BCAM: variants seen among roughly 807,000 people sequenced by gnomAD.
BCAM encodes basal cell adhesion molecule (Lutheran blood group).
Under a neutral mutation model 72.4 loss-of-function variants are expected in BCAM, and 61 were observed. The ratio of observed to expected loss-of-function variants is 0.84; its 90% confidence interval spans 0.69 to 1.04. The LOEUF is 1.04. Ranked by LOEUF, BCAM falls within the 50% of genes least tolerant of loss-of-function variation. BCAM has a pLI of 0.00. For synonymous variants in BCAM, 408 were observed against 384.2 expected (o/e 1.06, Z -0.73); for missense variants, 909 against 895.0 (o/e 1.02, Z -0.20).
rs770070161 is a variant in BCAM at position 44,814,197 on chromosome 19, C to T, written c.830C>T (p.Pro277Leu). The change falls in exon 7 of 15, where the codon CCA becomes CTA. Residue 277 changes from proline to leucine, a missense_variant. Coordinates refer to ENST00000270233, the MANE Select transcript of BCAM (RefSeq NM_005581.5). The surrounding 1 kb of genome is among the most constrained non-coding windows in gnomAD (Gnocchi z 4.6). ...VQFWVGSPST[P>L]AGWVREGDTV... ...TTCTGGGTGGGCAGCCCGTCCACCCCAGCAGGCTGGGTACGCGAGGGTGAC... is the reference window on the plus strand; with the variant it reads ...TTCTGGGTGGGCAGCCCGTCCACCCTAGCAGGCTGGGTACGCGAGGGTGAC... 4.4e-6 allele frequency: 7 copies of T among 1,583,424 alleles called. No individual in the cohort carries two copies. The highest frequency in any genetic ancestry group is 4.5e-5 in the East Asian group (2 of 44,164).
At position 44,819,087 on chromosome 19, in the gene BCAM, G is replaced by A; in HGVS notation, c.1368G>A (p.Glu456=). The stretch of plus-strand genomic sequence containing the variant: ...CAGAGCTAAAGACAGCGGAAATAGA[G>A]CCCAAGGCAGATGGCAGCTGGAGGG... The part of the protein sequence containing the change: ...GSPELKTAEI[E]PKADGSWREG... The change falls in exon 11 of 15, where the codon GAG becomes GAA. Residue 456 remains glutamate (E), a synonymous_variant. Coordinates refer to ENST00000270233, the MANE Select transcript of BCAM (RefSeq NM_005581.5). 1 of 1,614,062 alleles carries A rather than the reference G, an allele frequency of 6.2e-7. No homozygotes were observed. The highest frequency in any genetic ancestry group is 8.5e-7 in the Non-Finnish European group (1 of 1,180,002).
In BCAM at chr19:44,814,845, T is replaced by A; in HGVS notation, c.1078+85T>A. The stretch of plus-strand genomic sequence containing the variant: ...CTCCTCCCTACAGCCCTGAAGTTGC[T>A]CTGTCATCCCAAACACTCTGCCTTC... On this transcript the variant is annotated intron_variant, in intron 8 of 14. Coordinates refer to ENST00000270233, the MANE Select transcript of BCAM (RefSeq NM_005581.5). The surrounding 1 kb of genome is among the most constrained non-coding windows in gnomAD (Gnocchi z 4.6). The A allele has an allele frequency of 1.4e-6, 2 of 1,401,892 alleles. No homozygotes were observed. The highest frequency in any genetic ancestry group is 2.5e-5 in the Admixed American group (1 of 39,906). 86.8% of individuals were successfully genotyped at this position (1,401,892 alleles called of 1,614,324 possible). A position where few individuals can be genotyped will look rare whatever the true frequency, so the allele number is the denominator to read the frequency against.
Position 44,818,674 on chromosome 19 carries a change from G to A in BCAM, c.1194+37G>A, listed in dbSNP as rs1968533838. ...AGGAGCCCCCTCGGGCCCTGCACTC[G>A]CACCCTCCTCTCTCCCCTCACTCCT... is the stretch of plus-strand genomic sequence containing the variant. On this transcript the variant is annotated intron_variant, in intron 9 of 14. Coordinates refer to ENST00000270233, the MANE Select transcript of BCAM (RefSeq NM_005581.5). The surrounding 1 kb of genome is among the most constrained non-coding windows in gnomAD (Gnocchi z 4.6). 7.4e-6 allele frequency: 12 copies of A among 1,611,358 alleles called. No individual in the cohort carries two copies. The highest frequency in any genetic ancestry group is 4.5e-5 in the East Asian group (2 of 44,792).
In BCAM at chr19:44,812,844, G is replaced by A; in HGVS notation, c.504+296G>A. 1 of 455,212 alleles carries A rather than the reference G, an allele frequency of 2.2e-6. No homozygotes were observed. The highest frequency in any genetic ancestry group is 3.9e-6 in the Non-Finnish European group (1 of 254,256). The allele number at this position is 455,212 out of a possible 1,614,324, so 28.2% of individuals were successfully genotyped here. ...GTGCAACTGTAATCCCAGCTGCTCG[G>A]GAGGCTGAGACAGGAGAATCACTCG... On this transcript the variant is annotated intron_variant, in intron 4 of 14. Coordinates refer to ENST00000270233, the MANE Select transcript of BCAM (RefSeq NM_005581.5). The surrounding 1 kb of genome is among the most constrained non-coding windows in gnomAD (Gnocchi z 5.3).
chr19:44,812,424 C>T lies in BCAM; in HGVS notation c.433+33C>T. 1 of 1,614,088 alleles carries T rather than the reference C, an allele frequency of 6.2e-7. No homozygotes were observed. Among genetic ancestry groups the T allele is most frequent in the Non-Finnish European group, 8.5e-7 (1 of 1,179,972 alleles). ...TCCTCGGGCATCCCCCGAAGGGAGG[C>T]AGGCAGGGAGGGGCGCAGGGCAGGG... On this transcript the variant is annotated intron_variant, in intron 3 of 14. Transcript: ENST00000270233. This position sits in a 1 kb window ranked among gnomAD's most constrained non-coding sequence, Gnocchi z 5.3.
At position 44,812,030 on chromosome 19, in the gene BCAM, C is replaced by A; in HGVS notation, c.205-133C>A. 1.2e-6 allele frequency: 1 copy of A among 840,144 alleles called. No individual in the cohort carries two copies. The highest frequency in any genetic ancestry group is 1.9e-6 in the Non-Finnish European group (1 of 538,904). 52.0% of individuals were successfully genotyped at this position (840,144 alleles called of 1,614,324 possible). On this transcript the variant is annotated intron_variant, in intron 2 of 14. Transcript: ENST00000270233. The surrounding 1 kb of genome is among the most constrained non-coding windows in gnomAD (Gnocchi z 5.3). Reference sequence around the variant, plus strand: ...GGGGGCAGGAGAAGGTGGGGAGGGACAGAGGGACCAGGGAGACCCATAACA... The same window carrying A: ...GGGGGCAGGAGAAGGTGGGGAGGGAAAGAGGGACCAGGGAGACCCATAACA...
chr19:44,820,149 C>T, intron 13 of BCAM: 1 of 1,032,582 alleles, frequency 9.7e-7, no homozygotes, highest in Non-Finnish European at 1.2e-6. Flanking sequence ...TCCTCTCCAG[C>T]CCTGGCCACA....
chr19:44,814,491 C>T lies in BCAM; in HGVS notation c.922-113C>T, dbSNP rs995118826. On this transcript the variant is annotated intron_variant, in intron 7 of 14. Coordinates refer to ENST00000270233, the MANE Select transcript of BCAM (RefSeq NM_005581.5). The surrounding 1 kb of genome is among the most constrained non-coding windows in gnomAD (Gnocchi z 4.6). ...TAGCATGCCACCTGACTTGATGGCC[C>T]CTGACCCCTGATTCTGGCTTAGCAT... The T allele has an allele frequency of 1.0e-5, 15 of 1,460,940 alleles. 1 individual carries two copies. The highest frequency in any genetic ancestry group is 9.0e-5 in the Admixed American group (4 of 44,494). 90.5% of individuals were successfully genotyped at this position (1,460,940 alleles called of 1,614,324 possible).
chr19:44,809,476 C>A (rs1331251093), intron 1 of BCAM, among the ~76,000 whole-genome samples: 1 of 152,078 alleles, frequency 6.6e-6, no homozygotes, highest in African/African-American at 2.4e-5. Flanking sequence ...CTGGGTCCCA[C>A]CTGCCTCCTC....
Position 44,812,490 on chromosome 19 carries a change from C to G in BCAM, c.446C>G (p.Ala149Gly), listed in dbSNP as rs1385888539. The G allele has an allele frequency of 1.2e-6, 2 of 1,614,230 alleles. No homozygotes were observed. The highest frequency in any genetic ancestry group is 1.6e-4 in the Middle Eastern group (1 of 6,062). The change falls in exon 4 of 15, where the codon GCC becomes GGC. Residue 149 changes from alanine to glycine, a missense_variant. By Grantham distance (60) the Ala-to-Gly change is moderately conservative. Transcript: ENST00000270233. The surrounding 1 kb of genome is among the most constrained non-coding windows in gnomAD (Gnocchi z 5.3). Reference sequence around the variant, plus strand: ...GTCTTTTTCACAGCAAAGCCAGAGGCCACTGAGGTCTCCCCCAACAAAGGG... The same window carrying G: ...GTCTTTTTCACAGCAAAGCCAGAGGGCACTGAGGTCTCCCCCAACAAAGGG... The part of the protein sequence containing the change: ...ARLNVFAKPE[A>G]TEVSPNKGTL...
At chr19:44,810,411 A>T (rs28399649) in intron 1 of BCAM, among the ~76,000 whole-genome samples, 2,630 of 152,090 alleles carry the variant, frequency 0.017, 47 homozygotes, top group Non-Finnish European at 0.023. Context: ...TCCCTCCCAC[A>T]TTCCTGAAAC....
chr19:44,813,135 G>A lies in BCAM; in HGVS notation c.505-115G>A. 1 of 1,183,320 alleles carries A rather than the reference G, an allele frequency of 8.5e-7. No individual in the cohort carries two copies. The allele number at this position is 1,183,320 out of a possible 1,614,324, so 73.3% of individuals were successfully genotyped here. A position where few individuals can be genotyped will look rare whatever the true frequency, so the allele number is the denominator to read the frequency against. ...GAATTTGGACTCCTGGGTCCTGGGAGAGTCGGGAGTTAGGAGCCCGGCTCA... is the reference window on the plus strand; with the variant it reads ...GAATTTGGACTCCTGGGTCCTGGGAAAGTCGGGAGTTAGGAGCCCGGCTCA... On this transcript the variant is annotated intron_variant, in intron 4 of 14. Coordinates refer to ENST00000270233, the MANE Select transcript of BCAM (RefSeq NM_005581.5). The surrounding 1 kb of genome is among the most constrained non-coding windows in gnomAD (Gnocchi z 4.2).
intron 1 of BCAM, among the ~76,000 whole-genome samples, chr19:44,809,534 A>G (rs1207587514): frequency 6.6e-6 from 1 of 152,052 alleles, no homozygotes; most frequent in Non-Finnish European, 1.5e-5. Context: ...CCTCAGACCC[A>G]GGAGTCCAGG....
In BCAM at chr19:44,818,533, C is replaced by G. The variant is rs188855455; in HGVS notation, c.1090C>G (p.Leu364Val). Residue 364 changes from leucine (L) to valine (V), a missense_variant, in exon 9 of 15, where the codon CTG (leucine) becomes GTG (valine). Transcript: ENST00000270233. This position sits in a 1 kb window ranked among gnomAD's most constrained non-coding sequence, Gnocchi z 4.6. ...GTCCCCCACTGCAGATCTGGACCCC[C>G]TGGAGCTCAGCGAGGGGAAGGTGCT... Reference protein sequence around the residue: ...LELRVAYLDPLELSEGKVLSL... With the variant: ...LELRVAYLDPVELSEGKVLSL... 2.5e-5 allele frequency: 41 copies of G among 1,613,914 alleles called. No homozygotes were observed. In the Admixed American group the frequency reaches 6.5e-4, roughly 26 times the overall value.
chr19:44,811,925 G>T, intron 2 of BCAM: 1 of 568,176 alleles, frequency 1.8e-6, no homozygotes. Flanking sequence ...TCGGGAGAGG[G>T]AGAGACCAAG....
In BCAM at chr19:44,812,376, C is replaced by A. The variant is rs560384879; in HGVS notation, c.418C>A (p.Arg140=). Residue 140 remains arginine (R), a synonymous_variant, in exon 3 of 15, where the codon CGG becomes AGG. Coordinates refer to ENST00000270233, the MANE Select transcript of BCAM (RefSeq NM_005581.5). The surrounding 1 kb of genome is among the most constrained non-coding windows in gnomAD (Gnocchi z 5.3). The part of the protein sequence containing the change: ...GAAGTAEATA[R]LNVFAKPEAT... ...GGCAGGCACTGCTGAGGCCACTGCG[C>A]GGCTCAACGTGTTTGGTAAGTGTCC... The A allele has an allele frequency of 9.3e-6, 15 of 1,613,802 alleles. No individual in the cohort carries two copies. The highest frequency in any genetic ancestry group is 6.6e-5 in the South Asian group (6 of 91,076).
In BCAM at chr19:44,812,648, T is replaced by C. The variant is rs2122552069; in HGVS notation, c.504+100T>C. ...GGAGGAGGGGCTGGGGACCCCTGGG[T>C]AATAAAGGAGGAGGGGTAAGGCCAG... On this transcript the variant is annotated intron_variant, in intron 4 of 14. Transcript: ENST00000270233. This position sits in a 1 kb window ranked among gnomAD's most constrained non-coding sequence, Gnocchi z 5.3. 1.4e-6 allele frequency: 2 copies of C among 1,412,684 alleles called. No homozygotes were observed. Among genetic ancestry groups the C allele is most frequent in the Non-Finnish European group, 1.9e-6 (2 of 1,035,592 alleles). The allele number at this position is 1,412,684 out of a possible 1,614,324, so 87.5% of individuals were successfully genotyped here.
intron 2 of BCAM, chr19:44,811,790 C>G (rs1968423841): frequency 2.9e-6 from 1 of 349,138 alleles, no homozygotes; most frequent in East Asian, 7.2e-5. Flanking sequence ...GAGGCTGAGG[C>G]AGGAGAATCG....
chr19:44,818,937 C>T lies in BCAM; in HGVS notation c.1336+55C>T. 1.2e-6 allele frequency: 2 copies of T among 1,601,582 alleles called. No individual in the cohort carries two copies. Among genetic ancestry groups the T allele is most frequent in the South Asian group, 1.1e-5 (1 of 88,874 alleles). On this transcript the variant is annotated intron_variant, in intron 10 of 14. Transcript: ENST00000270233. This position sits in a 1 kb window ranked among gnomAD's most constrained non-coding sequence, Gnocchi z 4.6. Reference sequence around the variant, plus strand: ...GATGGGGACAGTGTGGGGTGTGGGACCTGGACAAACAGGACGAGTTCCTGA... The same window carrying T: ...GATGGGGACAGTGTGGGGTGTGGGATCTGGACAAACAGGACGAGTTCCTGA...
Sources: allele counts gnomAD v4.1 joint callset (sites outside exome capture counted in the v4.1 genomes callset), GRCh38; gene constraint gnomAD v4.1.1; non-coding constraint Gnocchi (gnomAD v3.1); transcripts MANE v1.5; gene names NCBI Gene and HGNC (gene_info 2026-07-23, HGNC 2026-07-21).